The following SNX29 variants were observed in gnomAD, a reference collection of about 807,000 sequenced individuals.
SNX29 encodes sorting nexin 29, also known as sorting nexin-29.
SNX29 carries 78 observed loss-of-function variants against 102.1 expected under a neutral mutation model. That is an observed-to-expected ratio of 0.76 (90% CI 0.64 to 0.92). The LOEUF (loss-of-function observed/expected upper bound fraction) is 0.92. SNX29 is among the 40% of genes least tolerant of loss of function. SNX29 has a pLI of 0.00. For synonymous variants in SNX29, 580 were observed against 414.5 expected (o/e 1.40, Z -4.85); for missense variants, 1,280 against 1,061.7 (o/e 1.21, Z -2.86).
intron 19 of SNX29, among the ~76,000 whole-genome samples, chr16:12,505,198 G>T (rs1448007091): frequency 1.3e-5 from 2 of 152,148 alleles, no homozygotes; most frequent in Admixed American, 1.3e-4. Flanking sequence ...TTCCATCTAG[G>T]AGTGGAACTG....
At chr16:12,124,792 C>G (rs568405255) in intron 11 of SNX29, among the ~76,000 whole-genome samples, 3 of 152,204 alleles carry the variant, frequency 2.0e-5, no homozygotes, top group Non-Finnish European at 2.9e-5. Context: ...TTCCCCTGTG[C>G]TCTTGCCTGG....
chr16:12,116,742 A>G (rs561831712), intron 11 of SNX29, among the ~76,000 whole-genome samples: 6 of 152,292 alleles, frequency 3.9e-5, no homozygotes, highest in Non-Finnish European at 8.8e-5. Context: ...GGCTTAGTCA[A>G]TACATGCTTC....
intron 16 of SNX29, among the ~76,000 whole-genome samples, chr16:12,381,656 C>G (rs1597166070): frequency 7.9e-5 from 1 of 12,668 alleles, no homozygotes; most frequent in Non-Finnish European, 1.6e-4. Context: ...TATCCACCCA[C>G]CCACCCACCC....
chr16:12,414,533 T>G (rs1033450380), intron 18 of SNX29, among the ~76,000 whole-genome samples: 1 of 152,218 alleles, frequency 6.6e-6, no homozygotes, highest in Non-Finnish European at 1.5e-5. Context: ...AGGAACTTGC[T>G]AAGCTACTGA....
chr16:12,551,188 CAG>C (rs1291594512), intron 20 of SNX29, among the ~76,000 whole-genome samples: 1 of 152,048 alleles, frequency 6.6e-6, no homozygotes, highest in African/African-American at 2.4e-5. Context: ...GACTTCCCCA[CAG>C]AGAGCCTTTA....
intron 20 of SNX29, among the ~76,000 whole-genome samples, chr16:12,567,440 A>C (rs868529323): frequency 6.6e-6 from 1 of 152,242 alleles, no homozygotes; most frequent in South Asian, 2.1e-4. Flanking sequence ...GAACATTCCT[A>C]GCCCCAGAAT....
At chr16:12,506,628 A>T (rs189626965) in intron 19 of SNX29, among the ~76,000 whole-genome samples, 100 of 152,372 alleles carry the variant, frequency 6.6e-4, no homozygotes, top group African/African-American at 2.3e-3. Flanking sequence ...GAAAGAAATC[A>T]CTGAGCTTTC....
intron 13 of SNX29, among the ~76,000 whole-genome samples, chr16:12,159,339 A>C (rs1020284518): frequency 6.6e-6 from 1 of 152,204 alleles, no homozygotes; most frequent in Non-Finnish European, 1.5e-5. Flanking sequence ...GCTGCTTCTC[A>C]AGAACTAATT....
chr16:12,534,656 C>A (rs1180131321), intron 20 of SNX29, among the ~76,000 whole-genome samples: 1 of 152,194 alleles, frequency 6.6e-6, no homozygotes, highest in East Asian at 1.9e-4. Context: ...GAAGGAGTTC[C>A]CTGCAGACGG....
chr16:12,242,524 G>T (rs982299229), intron 14 of SNX29, among the ~76,000 whole-genome samples: 126 of 151,254 alleles, frequency 8.3e-4, no homozygotes, highest in African/African-American at 2.9e-3. Flanking sequence ...CTAGAGAAGA[G>T]CATCCCTCCC....
rs1567227255 is a variant in SNX29 at position 12,569,645 on chromosome 16, CCTCTGTTCCTCCCATGTCAGGTGG to C, written c.*1021_*1044del. ...AACTCTGCATCCCCTAAGACAGAGT[CCTCTGTTCCTCCCATGTCAGGTGG>C]CTCTCAGAGTACAGGGACCTTGGCA... On this transcript the variant is annotated 3_prime_UTR_variant, in exon 21 of 21. Coordinates refer to ENST00000566228, the MANE Select transcript of SNX29 (RefSeq NM_032167.5). 2 of 228,636 alleles carry C rather than the reference CCTCTGTTCCTCCCATGTCAGGTGG, an allele frequency of 8.7e-6. No individual in the cohort carries two copies. Among genetic ancestry groups the C allele is most frequent in the African/African-American group, 4.5e-5 (2 of 44,926 alleles). The allele number at this position is 228,636 out of a possible 1,614,324, so 14.2% of individuals were successfully genotyped here. A position where few individuals can be genotyped will look rare whatever the true frequency, so the allele number is the denominator to read the frequency against.
rs150692032 is a variant in SNX29 at position 12,021,534 on chromosome 16, C to T, written c.123-5786C>T. Among the ~76,000 whole-genome samples the T allele has an allele frequency of 1.6e-3, 239 of 152,184 alleles. 1 individual carries two copies. The highest frequency in any genetic ancestry group is 5.3e-3 in the African/African-American group (219 of 41,514). ...TCCTGTTGTTTTAATGATTGCCATG[C>T]AAAAGTATAGGATTCTTAGGAATCT... On this transcript the variant is annotated intron_variant, in intron 3 of 20. Transcript: ENST00000566228.
intron 11 of SNX29, among the ~76,000 whole-genome samples, chr16:12,107,505 GA>G (rs1026821056): frequency 4.6e-5 from 7 of 151,944 alleles, no homozygotes; most frequent in African/African-American, 9.7e-5. Flanking sequence ...CGTCTCTACT[GA>G]AAAATACAAA....
chr16:12,553,287 G>C (rs1020804472), intron 20 of SNX29, among the ~76,000 whole-genome samples: 1 of 152,222 alleles, frequency 6.6e-6, no homozygotes, highest in African/African-American at 2.4e-5. Flanking sequence ...CAGAGTAAGA[G>C]GAAAATGAGT....
At chr16:12,528,386 G>A (rs2076843573) in intron 20 of SNX29, among the ~76,000 whole-genome samples, 1 of 152,124 alleles carries the variant, frequency 6.6e-6, no homozygotes, top group African/African-American at 2.4e-5. Context: ...TTATAGTAGA[G>A]ATGGGGTTTT....
intron 14 of SNX29, among the ~76,000 whole-genome samples, chr16:12,255,132 C>CT (rs1201369663): frequency 2.0e-5 from 3 of 152,002 alleles, no homozygotes; most frequent in East Asian, 1.9e-4. Context: ...ACTTCACATA[C>CT]TTTTTTTTGG....
intron 14 of SNX29, among the ~76,000 whole-genome samples, chr16:12,263,873 G>C (rs1197240863): frequency 1.3e-5 from 2 of 152,192 alleles, no homozygotes; most frequent in Non-Finnish European, 2.9e-5. Context: ...CATGGGTTCT[G>C]AGAAGCTAGA....
intron 3 of SNX29, among the ~76,000 whole-genome samples, chr16:12,025,613 C>T (rs1009398137): frequency 1.3e-5 from 2 of 152,174 alleles, no homozygotes; most frequent in Non-Finnish European, 2.9e-5. Context: ...CCCTTCTGTG[C>T]AGGGCCAGCT....
intron 15 of SNX29, among the ~76,000 whole-genome samples, chr16:12,318,807 C>A (rs1388837213): frequency 3.9e-5 from 6 of 152,094 alleles, no homozygotes; most frequent in African/African-American, 1.2e-4. Flanking sequence ...TTCTAAGCTA[C>A]GTGTCCACGT....
Sources: allele counts gnomAD v4.1 joint callset (sites outside exome capture counted in the v4.1 genomes callset), GRCh38; gene constraint gnomAD v4.1.1; transcripts MANE v1.5; gene names NCBI Gene and HGNC (gene_info 2026-07-23, HGNC 2026-07-21).